UBR4: variants seen among roughly 807,000 people sequenced by gnomAD.
UBR4 encodes the protein E3 ubiquitin-protein ligase UBR4.
UBR4 carries 124 observed loss-of-function variants against 575.6 expected under a neutral mutation model. The ratio of observed to expected loss-of-function variants is 0.22; its 90% confidence interval spans 0.19 to 0.25. The LOEUF is 0.25. UBR4 is among the 10% of genes least tolerant of loss of function. UBR4 has a pLI of 1.00. For synonymous variants in UBR4, 2,455 were observed against 2,473.7 expected (o/e 0.99, Z 0.22); for missense variants, 4,818 against 6,478.8 (o/e 0.74, Z 8.80).
At chr1:19,099,473 A>G in intron 90 of UBR4, 124 bp downstream of exon 90, 1 of 805,910 alleles carries the variant, frequency 1.2e-6, no homozygotes, top group East Asian at 2.6e-5. Flanking sequence ...AAACAGGGAC[A>G]GTAAAGCCTT....
intron 2 of UBR4, among the ~76,000 whole-genome samples, chr1:19,200,521 G>A (rs1458175638): frequency 2.0e-5 from 3 of 151,726 alleles, no homozygotes; most frequent in African/African-American, 2.4e-5. Flanking sequence ...AGGCTGAGGC[G>A]GGTGGATCAC....
chr1:19,198,100 C>A, intron 5 of UBR4, 51 bp from the exon 6 acceptor site: 1 of 1,567,936 alleles, frequency 6.4e-7, no homozygotes, highest in South Asian at 1.1e-5. Flanking sequence ...TTCACCAAAC[C>A]AACTGTCAAA....
At chr1:19,113,090 G>A (rs1417557980) in intron 77 of UBR4, 4 of 528,608 alleles carry the variant, frequency 7.6e-6, no homozygotes, top group Non-Finnish European at 1.3e-5. Context: ...TCAGAACTCA[G>A]ACTCAGATGG....
chr1:19,198,138 C>G, intron 5 of UBR4, 89 bp from the exon 6 acceptor site: 1 of 1,240,920 alleles, frequency 8.1e-7, no homozygotes, highest in Admixed American at 2.0e-5. Flanking sequence ...CGGATACTCT[C>G]CAGACTCCCC....
rs1454724948 is a variant in UBR4 at position 19,184,103 on chromosome 1, G to A, written c.2011C>T (p.Arg671Ter). The change falls in exon 16 of 106, where the codon CGA (arginine) becomes TGA (stop). Residue 671 changes from arginine to a stop codon, truncating the protein, a stop_gained. Transcript: ENST00000375254. LOFTEE classifies it high-confidence loss of function. ...GAAAGAGATACACTCAGATAGTTTC[G>A]GATAAAATTGTTCCGAGAGTTCAGC... ...SMLNSRNNFI[R>*]NYLSVSLSEH... 1.9e-6 allele frequency: 3 copies of A among 1,613,970 alleles called. No homozygotes were observed. Among genetic ancestry groups the A allele is most frequent in the Non-Finnish European group, 8.5e-7 (1 of 1,180,046 alleles).
chr1:19,201,881 A>T (rs1035238944), intron 1 of UBR4, 66 bp from the exon 2 acceptor site: 87 of 1,356,730 alleles, frequency 6.4e-5, no homozygotes, highest in Non-Finnish European at 8.5e-5. Context: ...ATACCCCTTT[A>T]TGGATATTAC....
chr1:19,148,198 C>T (rs900152946), intron 50 of UBR4, 71 bp from the exon 51 acceptor site: 2 of 1,516,842 alleles, frequency 1.3e-6, no homozygotes, highest in Non-Finnish European at 1.8e-6. Context: ...CTACACTCTG[C>T]CTGCCCTTCC....
chr1:19,141,027 C>A, intron 57 of UBR4, 135 bp from the exon 58 acceptor site: 1 of 929,834 alleles, frequency 1.1e-6, no homozygotes. Context: ...AGTTAGCTAG[C>A]AGCCACTGCT....
chr1:19,195,969 T>TACACACACACACACACACACACAC (rs55820713), intron 8 of UBR4, among the ~76,000 whole-genome samples: 10 of 134,140 alleles, frequency 7.5e-5, no homozygotes, highest in African/African-American at 2.6e-4. Context: ...GACTTACTTA[T>TACACACACACACACACACACACAC]ACACACACAC....
chr1:19,177,449 G>A lies in UBR4; in HGVS notation c.2637+12C>T. On this transcript the variant is annotated intron_variant, in intron 19 of 105. Coordinates refer to ENST00000375254, the MANE Select transcript of UBR4 (RefSeq NM_020765.3). Reference sequence around the variant, plus strand: ...GTAATGGTGAAGCAAAAAAGAACGTGTTGGTCTGTACCTGCTCAAATAGAT... The same window carrying A: ...GTAATGGTGAAGCAAAAAAGAACGTATTGGTCTGTACCTGCTCAAATAGAT... 1 of 1,608,794 alleles carries A rather than the reference G, an allele frequency of 6.2e-7. No homozygotes were observed. Among genetic ancestry groups the A allele is most frequent in the Non-Finnish European group, 8.5e-7 (1 of 1,175,700 alleles).
intron 73 of UBR4, among the ~76,000 whole-genome samples, chr1:19,116,933 G>A (rs767531215): frequency 3.9e-5 from 6 of 152,018 alleles, no homozygotes; most frequent in Non-Finnish European, 7.4e-5. Flanking sequence ...AGTTAAAATG[G>A]GCATGAGAAG....
At chr1:19,183,966 CA>C in intron 16 of UBR4, 49 bp downstream of exon 16, 1 of 1,613,830 alleles carries the variant, frequency 6.2e-7, no homozygotes, top group Non-Finnish European at 8.5e-7. Context: ...TGCCAACAGC[CA>C]AACTCCATGA....
In UBR4 at chr1:19,074,828, G is replaced by C. The variant is rs1299622593; in HGVS notation, c.*4C>G. The C allele has an allele frequency of 6.2e-7, 1 of 1,614,082 alleles. No individual in the cohort carries two copies. Among genetic ancestry groups the C allele is most frequent in the Non-Finnish European group, 8.5e-7 (1 of 1,180,010 alleles). On this transcript the variant is annotated 3_prime_UTR_variant, in exon 106 of 106. Transcript: ENST00000375254. ...TCTTCGCCGCCGCAGCTGCTGTGTG[G>C]TGGTCAGGGGACTGAGTTCAACAGG...
chr1:19,189,211 C>CA (rs2091840708), intron 11 of UBR4, among the ~76,000 whole-genome samples: 1 of 151,740 alleles, frequency 6.6e-6, no homozygotes, highest in Non-Finnish European at 1.5e-5. Flanking sequence ...GGGAAATGGG[C>CA]ATATAAGCAC....
intron 11 of UBR4, among the ~76,000 whole-genome samples, chr1:19,191,616 T>C (rs1447434483): frequency 1.3e-5 from 2 of 152,194 alleles, no homozygotes; most frequent in African/African-American, 2.4e-5. Flanking sequence ...ATAAACTCCA[T>C]AAAGGCAAGG....
chr1:19,183,238 G>A (rs941881947), intron 17 of UBR4, among the ~76,000 whole-genome samples: 7 of 152,010 alleles, frequency 4.6e-5, no homozygotes, highest in Non-Finnish European at 8.8e-5. Flanking sequence ...CCACTTTTCT[G>A]CTAGCATAAT....
At chr1:19,113,635 C>T in intron 77 of UBR4, 64 bp downstream of exon 77, 3 of 1,596,474 alleles carry the variant, frequency 1.9e-6, no homozygotes, top group Non-Finnish European at 2.6e-6. Context: ...AGCAGGACTG[C>T]TGTGAAAACA....
At chr1:19,098,843 C>T (rs2078324751) in intron 90 of UBR4, among the ~76,000 whole-genome samples, 1 of 152,196 alleles carries the variant, frequency 6.6e-6, no homozygotes, top group South Asian at 2.1e-4. Flanking sequence ...ATCCCTGCTA[C>T]ACTAGTTTGC....
rs562981888 is a variant in UBR4, at chr1:19,206,280, T to C, written c.176+3793A>G. On this transcript the variant is annotated intron_variant, in intron 1 of 105. Coordinates refer to ENST00000375254, the MANE Select transcript of UBR4 (RefSeq NM_020765.3). The stretch of plus-strand genomic sequence containing the variant: ...TGAGCCCAGGAGTTTGAGGCTGTAG[T>C]CAGCTATAATCGTCCCACTGTACTC... Among the ~76,000 whole-genome samples the C allele has an allele frequency of 2.0e-4, 31 of 151,980 alleles. 1 individual carries two copies. The South Asian group carries it at 6.4e-3, about 32-fold the overall frequency.
Sources: gnomAD v4.1 joint callset for allele counts (sites outside exome capture counted in the v4.1 genomes callset) on GRCh38, gnomAD v4.1.1 for gene constraint, MANE v1.5 for transcripts, NCBI Gene and HGNC (gene_info 2026-07-23, HGNC 2026-07-21) for gene names.